Variants in CSMD1 observed in about 807,000 individuals in gnomAD.
The protein encoded by CSMD1 is CUB and Sushi multiple domains 1.
In CSMD1, 213 loss-of-function variants were observed where a neutral mutation model predicts 417.5. That is an observed-to-expected ratio of 0.51 (90% CI 0.46 to 0.57). CSMD1 has a LOEUF of 0.57. Ranked by LOEUF, CSMD1 falls within the 20% of genes least tolerant of loss-of-function variation. CSMD1 has a pLI of 0.00. For missense variants in CSMD1, 6,923 were observed against 4,529.7 expected, an observed-to-expected ratio of 1.53 and a Z score of -15.17; for synonymous variants, 2,862 against 1,736.8, an observed-to-expected ratio of 1.65 and a Z score of -16.11.
intron 25 of CSMD1, among the ~76,000 whole-genome samples, chr8:3,291,519 A>T (rs562032812): frequency 1.3e-5 from 2 of 152,288 alleles, no homozygotes; most frequent in East Asian, 3.9e-4. Context: ...TTATTGGTCT[A>T]TTCAGAGATT....
intron 2 of CSMD1, among the ~76,000 whole-genome samples, chr8:4,512,705 G>C (rs1186975060): frequency 6.6e-6 from 1 of 151,622 alleles, no homozygotes; most frequent in Non-Finnish European, 1.5e-5. Context: ...ACCCCAAAAT[G>C]AAATACTTAG....
chr8:3,837,038 G>A (rs1262215621), intron 5 of CSMD1, among the ~76,000 whole-genome samples: 2 of 151,070 alleles, frequency 1.3e-5, no homozygotes, highest in Admixed American at 6.6e-5. Context: ...GGCCAGGCTG[G>A]GTCAATTGAT....
chr8:4,442,104 GCTTATCTCCTCCCACT>G (rs1265315852), intron 2 of CSMD1, among the ~76,000 whole-genome samples: 1 of 152,058 alleles, frequency 6.6e-6, no homozygotes, highest in African/African-American at 2.4e-5. Flanking sequence ...GTGACGAAAT[GCTTATCTCCTCCCACT>G]CTTATCTCCT....
intron 3 of CSMD1, among the ~76,000 whole-genome samples, chr8:4,110,214 T>C (rs895452190): frequency 2.6e-5 from 4 of 152,216 alleles, no homozygotes; most frequent in East Asian, 1.9e-4. Flanking sequence ...CTAGAGAATA[T>C]AGATATGAAA....
At chr8:4,367,200 C>A (rs1802124918) in intron 3 of CSMD1, among the ~76,000 whole-genome samples, 1 of 152,132 alleles carries the variant, frequency 6.6e-6, no homozygotes. Flanking sequence ...ATCCTTTAAT[C>A]CATCTGGAGT....
At chr8:4,314,847 G>A (rs958739872) in intron 3 of CSMD1, among the ~76,000 whole-genome samples, 1 of 152,198 alleles carries the variant, frequency 6.6e-6, no homozygotes. Context: ...GGAGGGAGCT[G>A]CGACAAGCTG....
chr8:4,435,545 A>G (rs1359380311), intron 2 of CSMD1, among the ~76,000 whole-genome samples: 20 of 152,196 alleles, frequency 1.3e-4, no homozygotes, highest in Admixed American at 1.3e-3. Context: ...TTCAACACTC[A>G]AAACATTTTC....
chr8:3,379,204 C>A (rs12966142), intron 18 of CSMD1, among the ~76,000 whole-genome samples: 70,761 of 151,918 alleles, frequency 0.47, 16,693 homozygotes, highest in Middle Eastern at 0.48. Context: ...TGTGAAGGAT[C>A]TCTTCAAGGA....
At chr8:4,281,263 C>T (rs539072509) in intron 3 of CSMD1, among the ~76,000 whole-genome samples, 19 of 152,258 alleles carry the variant, frequency 1.2e-4, no homozygotes, top group South Asian at 6.2e-4. Flanking sequence ...AATAACCTCT[C>T]GACAGCATTA....
intron 2 of CSMD1, among the ~76,000 whole-genome samples, chr8:4,543,687 A>C (rs914083791): frequency 1.0e-3 from 156 of 149,400 alleles, no homozygotes; most frequent in African/African-American, 3.3e-3. Flanking sequence ...AAAAAAAAAA[A>C]AAAAAAAAAA....
At chr8:3,753,447 G>A (rs767241586) in intron 6 of CSMD1, among the ~76,000 whole-genome samples, 3 of 152,156 alleles carry the variant, frequency 2.0e-5, no homozygotes, top group Non-Finnish European at 4.4e-5. Context: ...CTCAGCTGCA[G>A]GAAATCCAGA....
chr8:3,452,066 CT>C lies in CSMD1; in HGVS notation c.1561+16645del, dbSNP rs767603303. Reference sequence around the variant, plus strand: ...AAGTTGGATTCCTAGGTATTTTATTCTCTTTGAAGCAATTGTGAATGGGAGT... The same window carrying C: ...AAGTTGGATTCCTAGGTATTTTATTCCTTTGAAGCAATTGTGAATGGGAGT... On this transcript the variant is annotated intron_variant, in intron 12 of 69. Coordinates refer to ENST00000635120, the MANE Select transcript of CSMD1 (RefSeq NM_033225.6). 7.6e-4 allele frequency among the ~76,000 whole-genome samples: 116 copies of C among 152,138 alleles called. 2 individuals carry two copies. The highest frequency in any genetic ancestry group is 2.5e-4 in the Non-Finnish European group (17 of 68,020).
At chr8:3,647,456 G>A (rs1179717877) in intron 7 of CSMD1, among the ~76,000 whole-genome samples, 1 of 152,112 alleles carries the variant, frequency 6.6e-6, no homozygotes, top group African/African-American at 2.4e-5. Context: ...GAGAAATACA[G>A]CATAGAGAAA....
intron 3 of CSMD1, among the ~76,000 whole-genome samples, chr8:4,318,877 G>A (rs757823586): frequency 7.2e-5 from 11 of 152,130 alleles, no homozygotes; most frequent in Non-Finnish European, 1.5e-4. Context: ...TCAGAGATCT[G>A]TCCTAAATGA....
At chr8:4,706,703 C>T (rs947651910) in intron 1 of CSMD1, among the ~76,000 whole-genome samples, 1 of 151,978 alleles carries the variant, frequency 6.6e-6, no homozygotes, top group Admixed American at 6.6e-5. Flanking sequence ...CATGAAAGTC[C>T]AAAAAACAAA....
At chr8:3,731,700 T>C (rs1050732826) in intron 6 of CSMD1, among the ~76,000 whole-genome samples, 7 of 152,164 alleles carry the variant, frequency 4.6e-5, no homozygotes, top group Admixed American at 3.3e-4. Context: ...AAAGTATAAA[T>C]GGGTCAGAGG....
intron 2 of CSMD1, among the ~76,000 whole-genome samples, chr8:4,587,423 G>A (rs367932250): frequency 2.3e-5 from 2 of 85,946 alleles, no homozygotes; most frequent in African/African-American, 1.2e-4. Context: ...ATATGTACAT[G>A]TATATGTGGA....
chr8:3,663,657 A>C (rs959388438), intron 7 of CSMD1, among the ~76,000 whole-genome samples: 1 of 152,132 alleles, frequency 6.6e-6, no homozygotes, highest in African/African-American at 2.4e-5. Context: ...GAATGCAATC[A>C]TTTGCCTCTT....
chr8:3,810,611 G>T (rs1470446168), intron 5 of CSMD1, among the ~76,000 whole-genome samples: 4 of 152,150 alleles, frequency 2.6e-5, no homozygotes, highest in Admixed American at 2.6e-4. Flanking sequence ...CCTTGTCACT[G>T]GTGACTCATT....
Sources: allele counts gnomAD v4.1 joint callset (sites outside exome capture counted in the v4.1 genomes callset), GRCh38; gene constraint gnomAD v4.1.1; transcripts MANE v1.5; gene names NCBI Gene and HGNC (gene_info 2026-07-23, HGNC 2026-07-21).